DGLUCY: variants seen among roughly 807,000 people sequenced by gnomAD.
DGLUCY encodes D-glutamate cyclase, mitochondrial.
Under a neutral mutation model 58.5 loss-of-function variants are expected in DGLUCY, and 58 were observed. That is an observed-to-expected ratio of 0.99 (90% CI 0.80 to 1.23). The LOEUF (loss-of-function observed/expected upper bound fraction) is 1.23, where lower values mean the gene tolerates loss of function less well. DGLUCY is among the 50% of genes most tolerant of loss of function. DGLUCY has a pLI of 0.00. For synonymous variants in DGLUCY, 325 were observed against 314.1 expected (o/e 1.03, Z -0.37); for missense variants, 779 against 784.7 (o/e 0.99, Z 0.09).
intron 1 of DGLUCY, among the ~76,000 whole-genome samples, chr14:91,124,431 G>A (rs556466189): frequency 1.4e-4 from 22 of 152,324 alleles, no homozygotes; most frequent in African/African-American, 5.3e-4. Context: ...TCAGGCTGGA[G>A]GTAGGAAACA....
chr14:91,147,554 T>C (rs1347091426), intron 1 of DGLUCY, among the ~76,000 whole-genome samples: 1 of 152,222 alleles, frequency 6.6e-6, no homozygotes, highest in Non-Finnish European at 1.5e-5. Flanking sequence ...TAGATGAATG[T>C]AAATGAACCT....
At chr14:91,108,914 G>C (rs1403702543) in intron 1 of DGLUCY, among the ~76,000 whole-genome samples, 1 of 152,156 alleles carries the variant, frequency 6.6e-6, no homozygotes, top group Non-Finnish European at 1.5e-5. Flanking sequence ...TGTGGAGGAT[G>C]AAGAAAGGGA....
intron 12 of DGLUCY, among the ~76,000 whole-genome samples, chr14:91,206,393 TC>T (rs1884712398): frequency 6.6e-6 from 1 of 152,008 alleles, no homozygotes; most frequent in Admixed American, 6.6e-5. Context: ...CTTTTTTTTT[TC>T]TTTTCTGAGA....
At chr14:91,065,060 C>T (rs1595599125) in intron 1 of DGLUCY, among the ~76,000 whole-genome samples, 1 of 152,106 alleles carries the variant, frequency 6.6e-6, no homozygotes, top group South Asian at 2.1e-4. Context: ...GCCATATGAT[C>T]ACTTAAATGT....
upstream of DGLUCY, among the ~76,000 whole-genome samples, chr14:91,111,300 G>C (rs966187487): frequency 9.9e-6 from 1 of 101,050 alleles, no homozygotes; most frequent in African/African-American, 3.8e-5. Flanking sequence ...ATTTTTTTTT[G>C]AGATGGAGTC....
At chr14:91,171,003 A>G (rs976690697) in intron 5 of DGLUCY, among the ~76,000 whole-genome samples, 3 of 152,144 alleles carry the variant, frequency 2.0e-5, no homozygotes, top group Non-Finnish European at 4.4e-5. Context: ...TGCTGCCTTC[A>G]TGGGTGAAGT....
intron 1 of DGLUCY, among the ~76,000 whole-genome samples, chr14:91,137,685 G>T (rs754382257): frequency 6.6e-6 from 1 of 151,972 alleles, no homozygotes; most frequent in African/African-American, 2.4e-5. Flanking sequence ...GTGAGACACC[G>T]TACTTGGCCT....
At chr14:91,195,828 G>A (rs905603211) in intron 9 of DGLUCY, among the ~76,000 whole-genome samples, 7 of 151,850 alleles carry the variant, frequency 4.6e-5, no homozygotes, top group East Asian at 1.9e-4. Flanking sequence ...TTGCCATCAC[G>A]CCGGGCTAAT....
upstream of DGLUCY, among the ~76,000 whole-genome samples, chr14:91,111,240 G>C (rs2044691794): frequency 9.3e-6 from 1 of 108,022 alleles, no homozygotes; most frequent in African/African-American, 4.0e-5. Flanking sequence ...GTGTGTGTGT[G>C]TGTGTGTGTA....
At chr14:91,186,106 A>C (rs1202536049) in intron 8 of DGLUCY, among the ~76,000 whole-genome samples, 3 of 152,320 alleles carry the variant, frequency 2.0e-5, no homozygotes, top group Admixed American at 6.5e-5. Context: ...TTTTGCACTG[A>C]TGATAAAATC....
At chr14:91,062,558 A>AATATATAT (rs1157690131) in intron 1 of DGLUCY, among the ~76,000 whole-genome samples, 5 of 23,694 alleles carry the variant, frequency 2.1e-4, no homozygotes, top group African/African-American at 9.7e-4. Context: ...AAAAAAAAAA[A>AATATATAT]ATATATATAT....
chr14:91,218,199 A>G (rs953643129), intron 13 of DGLUCY, among the ~76,000 whole-genome samples: 1 of 151,988 alleles, frequency 6.6e-6, no homozygotes, highest in African/African-American at 2.4e-5. Context: ...TGCTTTCTTT[A>G]TACTTCCTGG....
chr14:91,223,574 G>A (rs2140809657), intron 13 of DGLUCY: 1 of 909,838 alleles, frequency 1.1e-6, no homozygotes, highest in Non-Finnish European at 1.5e-6. Flanking sequence ...GTTCACTAGG[G>A]ACAGACACAT....
chr14:91,174,235 C>T (rs945295838), intron 6 of DGLUCY, among the ~76,000 whole-genome samples: 1 of 150,946 alleles, frequency 6.6e-6, no homozygotes, highest in Non-Finnish European at 1.5e-5. Flanking sequence ...CGCACCCCTT[C>T]CCCCACACCT....
chr14:91,205,165 G>A (rs780038015), intron 12 of DGLUCY, among the ~76,000 whole-genome samples: 4 of 152,188 alleles, frequency 2.6e-5, no homozygotes, highest in Non-Finnish European at 4.4e-5. Flanking sequence ...AGTACAGGTC[G>A]CTGAGAGAGG....
intron 1 of DGLUCY, chr14:91,147,829 T>G (rs1405127674): frequency 6.6e-6 from 1 of 152,230 alleles, no homozygotes; most frequent in Non-Finnish European, 1.5e-5. Context: ...GACCAATGTG[T>G]GATTCTGAGA....
intron 3 of DGLUCY, among the ~76,000 whole-genome samples, chr14:91,163,307 G>T (rs1312835240): frequency 6.6e-6 from 1 of 152,162 alleles, no homozygotes; most frequent in Non-Finnish European, 1.5e-5. Context: ...AGGGGCTTTG[G>T]CAGTAAGAAG....
At chr14:91,102,736 A>AGAGTGTAT (rs1555391094) in intron 1 of DGLUCY, among the ~76,000 whole-genome samples, 18 of 60,802 alleles carry the variant, frequency 3.0e-4, no homozygotes, top group African/African-American at 9.0e-4. Flanking sequence ...GACCCCTTCC[A>AGAGTGTAT]GTGTGTATGT....
At chr14:91,066,264 G>A (rs772901819) in intron 1 of DGLUCY, among the ~76,000 whole-genome samples, 11 of 151,832 alleles carry the variant, frequency 7.2e-5, no homozygotes, top group Non-Finnish European at 1.5e-4. Context: ...TGTAATCCCA[G>A]CCACCAGGGA....
Sources: gnomAD v4.1 joint callset for allele counts (sites outside exome capture counted in the v4.1 genomes callset) on GRCh38, gnomAD v4.1.1 for gene constraint, MANE v1.5 for transcripts, NCBI Gene and HGNC (gene_info 2026-07-23, HGNC 2026-07-21) for gene names.